Variants in DCC observed in about 807,000 individuals in gnomAD.
The protein encoded by DCC is netrin receptor DCC.
A neutral mutation model predicts 172.5 loss-of-function variants in DCC; 58 were observed. The observed-to-expected ratio is 0.34, with a 90% CI of 0.27 to 0.42. The LOEUF (loss-of-function observed/expected upper bound fraction) is 0.42. Among genes scored for constraint, DCC ranks in the 10% least tolerant of loss-of-function variants. DCC has a pLI of 1.00. For missense variants in DCC, 1,740 were observed against 1,791.0 expected (o/e 0.97, Z 0.51); for synonymous variants, 709 against 644.5 (o/e 1.10, Z -1.52).
At chr18:52,946,363 G>A (rs983530384) in intron 5 of DCC, among the ~76,000 whole-genome samples, 1 of 152,218 alleles carries the variant, frequency 6.6e-6, no homozygotes, top group African/African-American at 2.4e-5. Context: ...AAAATGTATG[G>A]TGGAGGTAGA....
At position 53,322,901 on chromosome 18, in the gene DCC, TAA is replaced by T. The variant is rs2057429207; in HGVS notation, c.2164+748_2164+749del. ...TAGAAATTTAAAAGGTAAGAATTCA[TAA>T]AAATGAGAGGTCCTTGGAAAAGAAG... On this transcript the variant is annotated intron_variant, in intron 14 of 28. Transcript: ENST00000442544. Among the ~76,000 whole-genome samples, 3 of 151,888 alleles carry T rather than the reference TAA, an allele frequency of 2.0e-5. No homozygotes were observed. In the South Asian group the frequency reaches 6.2e-4, roughly 32 times the overall value.
At chr18:53,521,091 A>ATTCT (rs140983787) in intron 27 of DCC, among the ~76,000 whole-genome samples, 2,207 of 152,156 alleles carry the variant, frequency 0.015, 65 homozygotes, top group African/African-American at 0.051. Context: ...TGGTTCCGGC[A>ATTCT]TTCTAAATTT....
At chr18:52,546,102 G>A (rs2032606818) in intron 1 of DCC, among the ~76,000 whole-genome samples, 1 of 152,158 alleles carries the variant, frequency 6.6e-6, no homozygotes, top group Non-Finnish European at 1.5e-5. Context: ...CATGTGGCTT[G>A]CACTTGATTC....
chr18:52,679,109 G>T (rs2035696510), intron 1 of DCC, among the ~76,000 whole-genome samples: 1 of 151,910 alleles, frequency 6.6e-6, no homozygotes, highest in Non-Finnish European at 1.5e-5. Flanking sequence ...TTTCCACAGG[G>T]TATAACAATT....
chr18:52,533,646 G>A (rs1341039296), intron 1 of DCC, among the ~76,000 whole-genome samples: 3 of 152,082 alleles, frequency 2.0e-5, no homozygotes, highest in Admixed American at 6.6e-5. Flanking sequence ...CCCACTGAAC[G>A]ACATCTGGAT....
intron 28 of DCC, among the ~76,000 whole-genome samples, chr18:53,527,206 C>CTTTTTTTTT (rs1212450703): frequency 7.5e-6 from 1 of 133,936 alleles, no homozygotes; most frequent in Admixed American, 7.6e-5. Context: ...CTTCTTCTTC[C>CTTTTTTTTT]TTTTTTTTTT....
chr18:53,329,124 A>G (rs1328805881), intron 14 of DCC, among the ~76,000 whole-genome samples: 1 of 152,124 alleles, frequency 6.6e-6, no homozygotes, highest in Admixed American at 6.6e-5. Flanking sequence ...CAGTTTTTTA[A>G]AAAAATATTA....
At chr18:53,067,457 G>A (rs552201865) in intron 7 of DCC, among the ~76,000 whole-genome samples, 1 of 152,126 alleles carries the variant, frequency 6.6e-6, no homozygotes, top group African/African-American at 2.4e-5. Flanking sequence ...AGGGTGTTGA[G>A]GCTGCAGTGA....
intron 1 of DCC, among the ~76,000 whole-genome samples, chr18:52,367,346 C>T (rs545263456): frequency 6.6e-6 from 1 of 152,184 alleles, no homozygotes. Flanking sequence ...CAGAAAGGGG[C>T]TCCTACAGTG....
intron 2 of DCC, among the ~76,000 whole-genome samples, chr18:52,859,337 A>C (rs1028511105): frequency 1.3e-5 from 2 of 152,306 alleles, no homozygotes; most frequent in East Asian, 3.9e-4. Context: ...TGAGAAATCA[A>C]CTGACAAAAA....
chr18:52,669,980 G>C (rs1000894707), intron 1 of DCC, among the ~76,000 whole-genome samples: 8 of 152,290 alleles, frequency 5.3e-5, no homozygotes, highest in Non-Finnish European at 1.0e-4. Context: ...GCAACTAAAT[G>C]AGATGTAGGA....
intron 1 of DCC, among the ~76,000 whole-genome samples, chr18:52,456,223 C>G (rs1423237247): frequency 1.3e-5 from 2 of 151,996 alleles, no homozygotes; most frequent in Non-Finnish European, 2.9e-5. Flanking sequence ...GAGGTCTTAT[C>G]CTTATGAATC....
At chr18:53,287,838 G>C (rs2056953675) in intron 12 of DCC, among the ~76,000 whole-genome samples, 1 of 152,030 alleles carries the variant, frequency 6.6e-6, no homozygotes, top group South Asian at 2.1e-4. Flanking sequence ...ACATTTTATT[G>C]ATAACAAAAG....
In DCC at chr18:53,367,978, T is replaced by C. The variant is rs2058023951; in HGVS notation, c.2360-18065T>C. ...ATTGCTAGATCATATGGTAATTCTA[T>C]TTTTAATTGCTTGAGGCTCTACCAT... On this transcript the variant is annotated intron_variant, in intron 15 of 28. Transcript: ENST00000442544. 2.6e-5 allele frequency among the ~76,000 whole-genome samples: 4 copies of C among 152,190 alleles called. No homozygotes were observed. In the South Asian group the frequency reaches 8.3e-4, roughly 31 times the overall value.
At chr18:52,874,010 G>C (rs2039362241) in intron 2 of DCC, among the ~76,000 whole-genome samples, 2 of 152,026 alleles carry the variant, frequency 1.3e-5, no homozygotes, top group African/African-American at 4.8e-5. Flanking sequence ...CTTTTTCTTT[G>C]TCTTCACGAT....
chr18:52,840,650 C>T (rs1454460451), intron 2 of DCC, among the ~76,000 whole-genome samples: 1 of 152,156 alleles, frequency 6.6e-6, no homozygotes, highest in Non-Finnish European at 1.5e-5. Context: ...TCCTTCTAGT[C>T]CAAACTGCTC....
chr18:52,598,984 G>A (rs1382035980), intron 1 of DCC, among the ~76,000 whole-genome samples: 1 of 152,114 alleles, frequency 6.6e-6, no homozygotes, highest in Non-Finnish European at 1.5e-5. Context: ...TCATTCATGA[G>A]GGAGAGGCCC....
At chr18:53,114,678 C>A (rs1013635004) in intron 7 of DCC, among the ~76,000 whole-genome samples, 1 of 151,480 alleles carries the variant, frequency 6.6e-6, no homozygotes, top group Non-Finnish European at 1.5e-5. Context: ...TATTGACATG[C>A]AGATCAGCCA....
intron 7 of DCC, among the ~76,000 whole-genome samples, chr18:53,113,729 A>G (rs1163252820): frequency 2.8e-4 from 42 of 151,168 alleles, no homozygotes; most frequent in Admixed American, 2.7e-3. Context: ...TTTTTAAGAA[A>G]TAGTATATGC....
Sources: allele counts gnomAD v4.1 joint callset (sites outside exome capture counted in the v4.1 genomes callset), GRCh38; gene constraint gnomAD v4.1.1; transcripts MANE v1.5; gene names NCBI Gene and HGNC (gene_info 2026-07-23, HGNC 2026-07-21).